The following STAG1 variants were observed in gnomAD, a reference collection of about 807,000 sequenced individuals.
STAG1 encodes the protein STAG1 cohesin complex component.
A neutral mutation model predicts 170.9 loss-of-function variants in STAG1; 26 were observed. The observed-to-expected ratio is 0.15, with a 90% CI of 0.11 to 0.21. The LOEUF is 0.21. Ranked by LOEUF, STAG1 falls within the 10% of genes least tolerant of loss-of-function variation. The pLI is 1.00. For synonymous variants in STAG1, 514 were observed against 497.7 expected (o/e 1.03, Z -0.44); for missense variants, 964 against 1,509.5 (o/e 0.64, Z 5.99).
intron 1 of STAG1, among the ~76,000 whole-genome samples, chr3:136,711,872 T>C (rs1042654428): frequency 6.6e-6 from 1 of 152,106 alleles, no homozygotes; most frequent in African/African-American, 2.4e-5. Flanking sequence ...ACATATTACA[T>C]ATCTAAATGA....
intron 1 of STAG1, among the ~76,000 whole-genome samples, chr3:136,648,127 T>C (rs1004732654): frequency 2.6e-5 from 4 of 152,228 alleles, no homozygotes; most frequent in Admixed American, 6.5e-5. Context: ...AGGGGGTTCA[T>C]AGAATTCCAT....
chr3:136,752,075 C>T (rs948067207), intron 1 of STAG1, 120 bp downstream of exon 1: 15 of 153,428 alleles, frequency 9.8e-5, no homozygotes, highest in African/African-American at 3.6e-4. Flanking sequence ...GCTCGCCGCT[C>T]GCGCTCTCTC....
At chr3:136,560,107 A>G (rs979700403) in intron 5 of STAG1, among the ~76,000 whole-genome samples, 2 of 152,192 alleles carry the variant, frequency 1.3e-5, no homozygotes, top group African/African-American at 4.8e-5. Context: ...TCTTAGATTA[A>G]GTGCTCCTAG....
chr3:136,438,400 T>A (rs941506383), intron 15 of STAG1, among the ~76,000 whole-genome samples: 1 of 152,036 alleles, frequency 6.6e-6, no homozygotes, highest in African/African-American at 2.4e-5. Context: ...ACATTTTGGA[T>A]TTTTAGTAGA....
At chr3:136,625,802 A>G (rs1399227039) in intron 2 of STAG1, among the ~76,000 whole-genome samples, 1 of 152,214 alleles carries the variant, frequency 6.6e-6, no homozygotes, top group African/African-American at 2.4e-5. Flanking sequence ...GCTGCCAGTA[A>G]TATTCTCACA....
At chr3:136,383,911 C>T (rs1258935921) in intron 22 of STAG1, among the ~76,000 whole-genome samples, 27 of 145,662 alleles carry the variant, frequency 1.9e-4, no homozygotes, top group South Asian at 2.2e-4. Flanking sequence ...GCCGAGATCG[C>T]ACCACTGCAC....
chr3:136,538,212 T>TA (rs1935733327), intron 6 of STAG1, among the ~76,000 whole-genome samples: 1 of 152,184 alleles, frequency 6.6e-6, no homozygotes, highest in African/African-American at 2.4e-5. Context: ...AGCGCAATAC[T>TA]ATATACATTT....
chr3:136,521,089 A>C (rs1934647702), intron 7 of STAG1, 124 bp downstream of exon 7: 3 of 824,282 alleles, frequency 3.6e-6, no homozygotes. Context: ...TTTAACAAAA[A>C]CTATTCAAAT....
At chr3:136,495,798 C>A (rs1333604817) in intron 9 of STAG1, among the ~76,000 whole-genome samples, 4 of 151,772 alleles carry the variant, frequency 2.6e-5, no homozygotes, top group Admixed American at 2.6e-4. Context: ...GAAACCCCAT[C>A]TCTACTAAAA....
chr3:136,344,754 C>T (rs149083637), intron 29 of STAG1, among the ~76,000 whole-genome samples: 1,712 of 152,102 alleles, frequency 0.011, 14 homozygotes, highest in Non-Finnish European at 0.018. Flanking sequence ...GCTGGGATTA[C>T]AGGTGCCCGC....
chr3:136,726,036 G>GT (rs1933644523), intron 1 of STAG1, among the ~76,000 whole-genome samples: 1 of 152,082 alleles, frequency 6.6e-6, no homozygotes, highest in Admixed American at 6.6e-5. Flanking sequence ...CCAAGGCACT[G>GT]TATCTGTCAC....
chr3:136,391,857 C>T (rs998871426), intron 22 of STAG1, among the ~76,000 whole-genome samples: 4 of 152,226 alleles, frequency 2.6e-5, no homozygotes, highest in Non-Finnish European at 4.4e-5. Flanking sequence ...TGCCCCAGAG[C>T]TTCCAACTCT....
intron 7 of STAG1, among the ~76,000 whole-genome samples, chr3:136,506,743 A>G (rs1933789532): frequency 6.6e-6 from 1 of 152,156 alleles, no homozygotes; most frequent in African/African-American, 2.4e-5. Context: ...GGAAAGGGCA[A>G]AGATAATTAG....
intron 4 of STAG1, among the ~76,000 whole-genome samples, chr3:136,596,323 G>C (rs943580390): frequency 6.6e-6 from 1 of 152,156 alleles, no homozygotes; most frequent in South Asian, 2.1e-4. Flanking sequence ...ATCAAGGCAA[G>C]ACTTTCCACT....
At chr3:136,546,308 G>A (rs553608838) in intron 5 of STAG1, among the ~76,000 whole-genome samples, 1 of 152,162 alleles carries the variant, frequency 6.6e-6, no homozygotes, top group African/African-American at 2.4e-5. Context: ...AAGATAGGCA[G>A]GGTTTCTTGA....
At chr3:136,688,601 A>G (rs1014647211) in intron 1 of STAG1, among the ~76,000 whole-genome samples, 1 of 152,170 alleles carries the variant, frequency 6.6e-6, no homozygotes, top group African/African-American at 2.4e-5. Flanking sequence ...CATGTTGGCC[A>G]GGCTAGTCTC....
At chr3:136,723,575 G>C (rs1256196975) in intron 1 of STAG1, among the ~76,000 whole-genome samples, 1 of 149,794 alleles carries the variant, frequency 6.7e-6, no homozygotes, top group Non-Finnish European at 1.5e-5. Flanking sequence ...GTCAGCCCCC[G>C]CCAGGCCAGC....
At chr3:136,628,217 G>C (rs952847227) in intron 2 of STAG1, among the ~76,000 whole-genome samples, 1 of 151,972 alleles carries the variant, frequency 6.6e-6, no homozygotes, top group South Asian at 2.1e-4. Flanking sequence ...GTCTTGTGAA[G>C]AAGGTGCTTG....
At chr3:136,468,817 C>A (rs535992370) in intron 12 of STAG1, among the ~76,000 whole-genome samples, 15 of 151,968 alleles carry the variant, frequency 9.9e-5, no homozygotes, top group Non-Finnish European at 1.9e-4. Flanking sequence ...CCCTGGGATG[C>A]AAGGCTGGTT....
Sources: gnomAD v4.1 joint callset for allele counts (sites outside exome capture counted in the v4.1 genomes callset) on GRCh38, gnomAD v4.1.1 for gene constraint, MANE v1.5 for transcripts, NCBI Gene and HGNC (gene_info 2026-07-23, HGNC 2026-07-21) for gene names.